Variants in NFYC observed in about 807,000 individuals in gnomAD.
The protein encoded by NFYC is CAAT box DNA-binding protein subunit C.
Under a neutral mutation model 53.1 loss-of-function variants are expected in NFYC, and 25 were observed. The observed-to-expected ratio is 0.47, with a 90% CI of 0.34 to 0.66. NFYC has a LOEUF of 0.66. Ranked by LOEUF, NFYC falls within the 30% of genes least tolerant of loss-of-function variation. The probability of loss-of-function intolerance (pLI) is 0.01; values close to 1 mark genes in which losing one functional copy is unlikely to be tolerated. For synonymous variants in NFYC, 145 were observed against 152.6 expected (o/e 0.95, Z 0.37); for missense variants, 260 against 422.7 (o/e 0.62, Z 3.38).
intron 1 of NFYC, among the ~76,000 whole-genome samples, chr1:40,705,528 G>T (rs1643654656): frequency 6.6e-6 from 1 of 152,142 alleles, no homozygotes; most frequent in Non-Finnish European, 1.5e-5. Context: ...TTGTGAAATT[G>T]TCTCACAACC....
chr1:40,693,187 A>G (rs1023877729), intron 1 of NFYC, among the ~76,000 whole-genome samples: 8 of 152,228 alleles, frequency 5.3e-5, no homozygotes, highest in Admixed American at 4.6e-4. Context: ...AAAAAAGCCC[A>G]TGCATAGCTT....
In NFYC at chr1:40,770,498, G is replaced by GCCC. The variant is rs975234465; in HGVS notation, c.889-210_889-208dup. On this transcript the variant is annotated intron_variant, in intron 9 of 9. Coordinates refer to ENST00000447388, the MANE Select transcript of NFYC (RefSeq NM_014223.5). This position sits in a 1 kb window ranked among gnomAD's most constrained non-coding sequence, Gnocchi z 5.3. ...ATTCAACTCCCTGCACCTCTTCCCTGCCCACCACACACCCCCCCTCACACC... is the reference window on the plus strand; with the variant it reads ...ATTCAACTCCCTGCACCTCTTCCCTGCCCCCCACCACACACCCCCCCTCACACC... 5.2e-6 allele frequency: 8 copies of GCCC among 1,552,744 alleles called. No individual in the cohort carries two copies. The African/African-American group carries it at 1.1e-4, about 21-fold the overall frequency.
intron 7 of NFYC, among the ~76,000 whole-genome samples, chr1:40,765,630 G>A (rs1010351047): frequency 2.0e-5 from 3 of 152,106 alleles, no homozygotes; most frequent in African/African-American, 7.2e-5. Flanking sequence ...TCTGGACCCC[G>A]CAGATAGAGA....
At chr1:40,724,444 C>T (rs1374985062) in intron 1 of NFYC, among the ~76,000 whole-genome samples, 1 of 152,132 alleles carries the variant, frequency 6.6e-6, no homozygotes, top group East Asian at 1.9e-4. Context: ...AGGCTGTAGG[C>T]CAGATGTGGC....
At chr1:40,694,734 A>G (rs1321573757) in intron 1 of NFYC, among the ~76,000 whole-genome samples, 1 of 151,942 alleles carries the variant, frequency 6.6e-6, no homozygotes, top group Middle Eastern at 3.4e-3. Context: ...CCTTATACCC[A>G]TGGCCACCTT....
chr1:40,760,855 C>A (rs146020060), intron 6 of NFYC, among the ~76,000 whole-genome samples: 32 of 152,284 alleles, frequency 2.1e-4, no homozygotes, highest in African/African-American at 7.2e-4. Flanking sequence ...AATGGCTGCT[C>A]AGTCACTGGC....
intron 1 of NFYC, among the ~76,000 whole-genome samples, chr1:40,723,044 C>T (rs1644383423): frequency 6.6e-6 from 1 of 152,174 alleles, no homozygotes; most frequent in Non-Finnish European, 1.5e-5. Context: ...ATATTCAACC[C>T]TCAACCTTAT....
intron 1 of NFYC, 170 bp downstream of exon 1, chr1:40,692,037 TCGC>T (rs1249350680): frequency 1.0e-5 from 2 of 193,690 alleles, no homozygotes; most frequent in South Asian, 9.9e-5. Context: ...CCCGCTGCTG[TCGC>T]CGCCGCCGCG....
chr1:40,699,593 C>CTTCCCTT (rs1341462370), intron 1 of NFYC, among the ~76,000 whole-genome samples: 1 of 152,182 alleles, frequency 6.6e-6, no homozygotes, highest in African/African-American at 2.4e-5. Flanking sequence ...TTGGCAATCA[C>CTTCCCTT]TTAGGAGGCA....
chr1:40,694,478 C>G (rs922971141), intron 1 of NFYC, among the ~76,000 whole-genome samples: 2 of 152,162 alleles, frequency 1.3e-5, no homozygotes, highest in African/African-American at 4.8e-5. Flanking sequence ...AAGATAGAGG[C>G]AAAGCTACAA....
chr1:40,709,015 A>C (rs1444624298), intron 1 of NFYC, among the ~76,000 whole-genome samples: 1 of 152,224 alleles, frequency 6.6e-6, no homozygotes, highest in Admixed American at 6.5e-5. Context: ...GAACACTAAC[A>C]ACCCTTTGGC....
chr1:40,769,561 TA>T (rs1437772494), intron 9 of NFYC, 146 bp downstream of exon 9: 2 of 692,740 alleles, frequency 2.9e-6, no homozygotes, highest in Non-Finnish European at 5.2e-6. Flanking sequence ...GTACGGTATT[TA>T]AATCAGGGCA....
intron 1 of NFYC, among the ~76,000 whole-genome samples, chr1:40,720,351 T>G (rs1156442686): frequency 6.6e-6 from 1 of 152,188 alleles, no homozygotes; most frequent in Non-Finnish European, 1.5e-5. Flanking sequence ...TTAGATGTAT[T>G]AAGTCACCAG....
chr1:40,719,115 C>T (rs1264762549), intron 1 of NFYC, among the ~76,000 whole-genome samples: 1 of 152,114 alleles, frequency 6.6e-6, no homozygotes, highest in Admixed American at 6.5e-5. Flanking sequence ...GTGATCTGCC[C>T]GCCTCAGCCT....
At position 40,762,744 on chromosome 1, in the gene NFYC, T is replaced by C. The variant is rs147945062; in HGVS notation, c.562-144T>C. On this transcript the variant is annotated intron_variant, in intron 6 of 9. Transcript: ENST00000447388. ...GCAATGCTGTAAACCCAGAGGACTC[T>C]GTAGGTTATTACTAGTACTGAGATG... is the stretch of plus-strand genomic sequence containing the variant. The C allele has an allele frequency of 8.6e-4, 590 of 684,750 alleles. 2 individuals carry two copies. In the African/African-American group the frequency reaches 9.4e-3, roughly 11 times the overall value. The allele number at this position is 684,750 out of a possible 1,614,324, so 42.4% of individuals were successfully genotyped here. A position where few individuals can be genotyped will look rare whatever the true frequency, so the allele number is the denominator to read the frequency against.
At position 40,771,067 on chromosome 1, in the gene NFYC, A is replaced by C. The variant is rs182146710; in HGVS notation, c.*239A>C. 7.7e-4 allele frequency: 444 copies of C among 575,916 alleles called. 3 individuals are homozygous for C. In the East Asian group the frequency reaches 8.3e-3, roughly 11 times the overall value. The allele number at this position is 575,916 out of a possible 1,614,324, so 35.7% of individuals were successfully genotyped here. ...AAGGAATCAATATTTCAATATGTTG[A>C]GTGTGTGTCCAATGCTATGAAATTA... On this transcript the variant is annotated 3_prime_UTR_variant, in exon 10 of 10. Coordinates refer to ENST00000447388, the MANE Select transcript of NFYC (RefSeq NM_014223.5).
chr1:40,740,055 C>T (rs1273849096), intron 2 of NFYC, among the ~76,000 whole-genome samples: 2 of 152,086 alleles, frequency 1.3e-5, no homozygotes, highest in African/African-American at 2.4e-5. Context: ...GGAATATTTT[C>T]ATAATACAGT....
chr1:40,705,443 TA>T (rs368616823), intron 1 of NFYC, among the ~76,000 whole-genome samples: 55 of 152,366 alleles, frequency 3.6e-4, no homozygotes, highest in African/African-American at 1.3e-3. Flanking sequence ...ATCTGTAATC[TA>T]AACTTTTGAG....
chr1:40,737,037 G>A (rs1333135141), intron 1 of NFYC, among the ~76,000 whole-genome samples: 1 of 145,444 alleles, frequency 6.9e-6, no homozygotes, highest in Non-Finnish European at 1.5e-5. Context: ...TGAGGCAGGA[G>A]AATCACATGA....
Sources: gnomAD v4.1 joint callset for allele counts (sites outside exome capture counted in the v4.1 genomes callset) on GRCh38, gnomAD v4.1.1 for gene constraint, Gnocchi (gnomAD v3.1) non-coding constraint, MANE v1.5 for transcripts, NCBI Gene and HGNC (gene_info 2026-07-23, HGNC 2026-07-21) for gene names.